Variants in PCDHA4 observed in about 807,000 individuals in gnomAD.
PCDHA4 encodes the protein protocadherin alpha 4.
PCDHA4 carries 49 observed loss-of-function variants against 61.4 expected under a neutral mutation model. That is an observed-to-expected ratio of 0.80 (90% CI 0.63 to 1.01). PCDHA4 has a LOEUF of 1.01. PCDHA4 is among the 50% of genes least tolerant of loss of function. The pLI, the probability that PCDHA4 is intolerant of heterozygous loss-of-function variation, is 0.00. For missense variants in PCDHA4, 1,254 were observed against 1,235.8 expected (o/e 1.01, Z -0.22); for synonymous variants, 590 against 550.3 (o/e 1.07, Z -1.01).
chr5:140,845,304 G>T (rs180945662), intron 1 of PCDHA4, among the ~76,000 whole-genome samples: 1 of 149,326 alleles, frequency 6.7e-6, no homozygotes, highest in African/African-American at 2.4e-5. Context: ...ATGTCTACCT[G>T]GTTCTCAGGT....
chr5:140,962,050 A>AT (rs1207278188), intron 1 of PCDHA4, among the ~76,000 whole-genome samples: 3 of 151,684 alleles, frequency 2.0e-5, no homozygotes, highest in African/African-American at 7.3e-5. Context: ...TGCCTGGCTA[A>AT]TTTTTTTGTA....
chr5:140,947,321 A>C (rs1365578593), intron 1 of PCDHA4, among the ~76,000 whole-genome samples: 5 of 151,748 alleles, frequency 3.3e-5, no homozygotes, highest in East Asian at 3.9e-4. Flanking sequence ...AAGTCGGTTG[A>C]CCATAAATGT....
intron 1 of PCDHA4, chr5:140,870,786 G>T: frequency 6.2e-7 from 1 of 1,613,634 alleles, no homozygotes; most frequent in East Asian, 2.2e-5. Context: ...ACGACAACGC[G>T]CCGGCACTGC....
chr5:140,987,462 A>C (rs2097255249), intron 3 of PCDHA4, among the ~76,000 whole-genome samples: 1 of 152,154 alleles, frequency 6.6e-6, no homozygotes, highest in African/African-American at 2.4e-5. Flanking sequence ...AATTGTTAAG[A>C]GCTCAAGCTT....
intron 1 of PCDHA4, among the ~76,000 whole-genome samples, chr5:140,953,761 A>C (rs1016551787): frequency 6.6e-6 from 1 of 152,202 alleles, no homozygotes; most frequent in Non-Finnish European, 1.5e-5. Flanking sequence ...TCCAAGAATT[A>C]AATTTAATAT....
At chr5:140,835,990 G>A in intron 1 of PCDHA4, 3 of 1,613,318 alleles carry the variant, frequency 1.9e-6, no homozygotes, top group Non-Finnish European at 2.5e-6. Context: ...TTCCAGGTGA[G>A]CGCGCGCGAT....
chr5:140,929,207 G>T (rs782298445), intron 1 of PCDHA4: 2 of 1,614,106 alleles, frequency 1.2e-6, no homozygotes, highest in Non-Finnish European at 1.7e-6. Flanking sequence ...TTGCTGTTGC[G>T]TGGGGAGTAC....
chr5:140,861,413 G>T (rs189790760), intron 1 of PCDHA4: 3 of 474,952 alleles, frequency 6.3e-6, no homozygotes, highest in Non-Finnish European at 1.3e-5. Flanking sequence ...AGCTGATACC[G>T]CGCCTGTTTC....
chr5:140,823,501 G>C, intron 1 of PCDHA4: 1 of 1,613,364 alleles, frequency 6.2e-7, no homozygotes, highest in Non-Finnish European at 8.5e-7. Flanking sequence ...CGGCGGCGCA[G>C]TGAGCGAGCT....
At chr5:140,822,326 A>C in intron 1 of PCDHA4, 2 of 1,614,186 alleles carry the variant, frequency 1.2e-6, no homozygotes, top group East Asian at 2.2e-5. Context: ...GTTAAAACAA[A>C]TGAAGAAGAA....
intron 1 of PCDHA4, chr5:140,829,151 T>A (rs2150163115): frequency 6.2e-7 from 1 of 1,613,966 alleles, no homozygotes; most frequent in Admixed American, 1.7e-5. Flanking sequence ...AGCACTGACT[T>A]CCTTATCCTT....
chr5:140,916,831 G>A (rs1038292722), intron 1 of PCDHA4, among the ~76,000 whole-genome samples: 22 of 152,082 alleles, frequency 1.4e-4, no homozygotes, highest in Non-Finnish European at 2.9e-4. Context: ...CTATCCCTCT[G>A]GTTCTGAGCC....
rs74450843 is a variant in PCDHA4 at position 140,951,654 on chromosome 5, C to A, written c.2386-27295C>A. ...GCCCCATGATCTAATCACCTCCCAC[C>A]AGGGCCTGCCTACAAAATTGGGGAT... On this transcript the variant is annotated intron_variant, in intron 1 of 3. Coordinates refer to ENST00000530339, the MANE Select transcript of PCDHA4 (RefSeq NM_018907.4). 1.1e-4 allele frequency among the ~76,000 whole-genome samples: 16 copies of A among 152,248 alleles called. No homozygotes were observed. In the East Asian group the frequency reaches 3.1e-3, roughly 29 times the overall value.
intron 1 of PCDHA4, chr5:140,823,030 G>T: frequency 6.2e-7 from 1 of 1,614,220 alleles, no homozygotes; most frequent in Non-Finnish European, 8.5e-7. Context: ...GAGCGTGTCG[G>T]TCTATGAGCT....
At chr5:140,902,051 A>G (rs998360115) in intron 1 of PCDHA4, among the ~76,000 whole-genome samples, 2 of 152,100 alleles carry the variant, frequency 1.3e-5, no homozygotes, top group African/African-American at 4.8e-5. Context: ...TTGATTTTGT[A>G]TCCTGCAACT....
At chr5:140,894,740 AT>A (rs1157881854) in intron 1 of PCDHA4, among the ~76,000 whole-genome samples, 3 of 150,972 alleles carry the variant, frequency 2.0e-5, no homozygotes, top group Non-Finnish European at 3.0e-5. Flanking sequence ...AATTTGTGGA[AT>A]TTTTTTTCTT....
At chr5:140,939,593 T>C (rs1554212802) in intron 1 of PCDHA4, among the ~76,000 whole-genome samples, 1 of 152,198 alleles carries the variant, frequency 6.6e-6, no homozygotes, top group African/African-American at 2.4e-5. Flanking sequence ...TAACATACCT[T>C]GCTCAAAAAC....
intron 3 of PCDHA4, among the ~76,000 whole-genome samples, chr5:140,984,768 G>A (rs569046665): frequency 7.2e-5 from 11 of 152,172 alleles, no homozygotes; most frequent in African/African-American, 2.4e-4. Flanking sequence ...CTAATCCCAA[G>A]CTTACTTGCT....
chr5:140,962,034 C>T (rs527918306), intron 1 of PCDHA4, among the ~76,000 whole-genome samples: 1 of 152,172 alleles, frequency 6.6e-6, no homozygotes, highest in South Asian at 2.1e-4. Context: ...CAGGCACCCA[C>T]CACCATGCCT....
Sources: gnomAD v4.1 joint callset for allele counts (sites outside exome capture counted in the v4.1 genomes callset) on GRCh38, gnomAD v4.1.1 for gene constraint, MANE v1.5 for transcripts, NCBI Gene and HGNC (gene_info 2026-07-23, HGNC 2026-07-21) for gene names.